The following RALGPS1 variants were observed in gnomAD, a reference collection of about 807,000 sequenced individuals.
RALGPS1 encodes ras-specific guanine nucleotide-releasing factor RalGPS1.
Under a neutral mutation model 78.8 loss-of-function variants are expected in RALGPS1, and 19 were observed. That is an observed-to-expected ratio of 0.24 (90% confidence interval 0.17 to 0.35). RALGPS1 has a LOEUF of 0.35. Among genes scored for constraint, RALGPS1 ranks in the 10% least tolerant of loss-of-function variants. The probability of loss-of-function intolerance (pLI) is 1.00; values close to 1 mark genes in which losing one functional copy is unlikely to be tolerated. For missense variants in RALGPS1, 454 were observed against 688.3 expected, an observed-to-expected ratio of 0.66 and a Z score of 3.81; for synonymous variants, 228 against 256.3, an observed-to-expected ratio of 0.89 and a Z score of 1.06.
chr9:126,955,852 C>G (rs886675693), intron 1 of RALGPS1, among the ~76,000 whole-genome samples: 1 of 152,126 alleles, frequency 6.6e-6, no homozygotes, highest in Non-Finnish European at 1.5e-5. Flanking sequence ...GGTCAGATTT[C>G]CCGTGGATTG....
chr9:127,113,563 A>G (rs2055084798), intron 8 of RALGPS1, among the ~76,000 whole-genome samples: 2 of 151,130 alleles, frequency 1.3e-5, no homozygotes, highest in Non-Finnish European at 3.0e-5. Flanking sequence ...ACTCCAATCA[A>G]AGTGATGCTC....
intron 1 of RALGPS1, among the ~76,000 whole-genome samples, chr9:126,958,137 A>G (rs1311918335): frequency 1.0e-5 from 1 of 99,070 alleles, no homozygotes; most frequent in Non-Finnish European, 2.4e-5. Flanking sequence ...AAAAAAAAAA[A>G]AAAAAATATA....
At chr9:127,047,405 G>GA (rs966126338) in intron 5 of RALGPS1, among the ~76,000 whole-genome samples, 1 of 151,790 alleles carries the variant, frequency 6.6e-6, no homozygotes, top group African/African-American at 2.4e-5. Flanking sequence ...TCTATATAGA[G>GA]AAAAAAAAGA....
intron 8 of RALGPS1, among the ~76,000 whole-genome samples, chr9:127,154,986 CT>C (rs2058631940): frequency 6.6e-6 from 1 of 152,210 alleles, no homozygotes; most frequent in Non-Finnish European, 1.5e-5. Context: ...AAGGCTTTCA[CT>C]GGGGGAATCA....
Position 127,195,200 on chromosome 9 carries a change from C to T in RALGPS1, c.1020C>T (p.Ser340=), listed in dbSNP as rs2061289151. 1.9e-6 allele frequency: 3 copies of T among 1,611,140 alleles called. No homozygotes were observed. The East Asian group carries it at 6.7e-5, about 36-fold the overall frequency. Residue 340 remains serine (S), a synonymous_variant, in exon 12 of 19, where the codon AGC becomes AGT. Coordinates refer to ENST00000259351, the MANE Select transcript of RALGPS1 (RefSeq NM_014636.3). ...CTCCAGTCCCCAGACACAGGAAGAG[C>T]CACAGCCTAGGCAACAAGTGGGTGA... ...PTPPVPRHRK[S]HSLGNNMMCQ...
chr9:127,198,418 G>A (rs2061452325), intron 13 of RALGPS1, among the ~76,000 whole-genome samples: 1 of 152,208 alleles, frequency 6.6e-6, no homozygotes, highest in Non-Finnish European at 1.5e-5. Flanking sequence ...TCCTCCAAGA[G>A]GGCTTAGAGA....
At chr9:127,092,242 G>A (rs374386951) in intron 8 of RALGPS1, among the ~76,000 whole-genome samples, 30 of 152,358 alleles carry the variant, frequency 2.0e-4, no homozygotes, top group East Asian at 1.5e-3. Flanking sequence ...GCTGTGGCAG[G>A]TGGAGGGCCT....
At chr9:126,959,010 T>TTTG (rs2038627442) in intron 1 of RALGPS1, among the ~76,000 whole-genome samples, 1 of 152,104 alleles carries the variant, frequency 6.6e-6, no homozygotes, top group African/African-American at 2.4e-5. Flanking sequence ...TATGGTTTCA[T>TTTG]TTGTGTTTCC....
At chr9:127,073,975 G>A (rs941585697) in intron 8 of RALGPS1, among the ~76,000 whole-genome samples, 2 of 152,056 alleles carry the variant, frequency 1.3e-5, no homozygotes, top group African/African-American at 2.4e-5. Flanking sequence ...TCTGCCTCCC[G>A]GGTTCAAGCA....
At chr9:127,137,596 G>A (rs1038087231) in intron 8 of RALGPS1, among the ~76,000 whole-genome samples, 8 of 152,232 alleles carry the variant, frequency 5.3e-5, no homozygotes, top group Non-Finnish European at 8.8e-5. Context: ...GATTCTTGCC[G>A]TCCTTTTCCC....
chr9:126,965,215 G>T (rs532689502), intron 2 of RALGPS1, among the ~76,000 whole-genome samples: 29 of 152,334 alleles, frequency 1.9e-4, no homozygotes, highest in African/African-American at 6.5e-4. Flanking sequence ...AGCCTCTAAA[G>T]CCAGTTGGTT....
At position 127,214,898 on chromosome 9, in the gene RALGPS1, C is replaced by G. The variant is rs1453960774; in HGVS notation, c.1644+56C>G. On this transcript the variant is annotated intron_variant, in intron 18 of 18. Coordinates refer to ENST00000259351, the MANE Select transcript of RALGPS1 (RefSeq NM_014636.3). ...GAAATATCCTCTCCCACCCTTGGAA[C>G]TAAGGGTCTTTAGAAAACAGGGTTC... 2.5e-6 allele frequency: 4 copies of G among 1,604,904 alleles called. No homozygotes were observed. The African/African-American group carries it at 5.4e-5, about 22-fold the overall frequency.
At chr9:127,204,995 G>A (rs1022585098) in intron 14 of RALGPS1, among the ~76,000 whole-genome samples, 2 of 152,226 alleles carry the variant, frequency 1.3e-5, no homozygotes, top group Non-Finnish European at 2.9e-5. Flanking sequence ...CCCCTTGGCT[G>A]CAGCAGACAT....
chr9:127,033,698 C>T (rs967409205), intron 4 of RALGPS1, among the ~76,000 whole-genome samples: 1 of 152,178 alleles, frequency 6.6e-6, no homozygotes, highest in African/African-American at 2.4e-5. Flanking sequence ...CTCCTTGGTC[C>T]TTTTTTGTAG....
intron 4 of RALGPS1, 27 bp from the exon 5 acceptor site, chr9:127,034,404 T>G: frequency 6.3e-7 from 1 of 1,599,842 alleles, no homozygotes; most frequent in South Asian, 1.1e-5. Flanking sequence ...CTAGAATCAC[T>G]GTTGAAATTC....
intron 10 of RALGPS1, among the ~76,000 whole-genome samples, chr9:127,174,183 C>T (rs1384746334): frequency 6.7e-6 from 1 of 149,256 alleles, no homozygotes; most frequent in Non-Finnish European, 1.5e-5. Flanking sequence ...AGAATCACTG[C>T]ATTCCAGCCT....
intron 8 of RALGPS1, among the ~76,000 whole-genome samples, chr9:127,074,023 A>T (rs1417560084): frequency 6.6e-6 from 1 of 152,124 alleles, no homozygotes; most frequent in Non-Finnish European, 1.5e-5. Flanking sequence ...CTGGGATTAC[A>T]GGTGCCTGCC....
intron 3 of RALGPS1, among the ~76,000 whole-genome samples, chr9:126,975,078 T>C (rs2040476618): frequency 6.6e-6 from 1 of 152,122 alleles, no homozygotes; most frequent in Non-Finnish European, 1.5e-5. Context: ...TGGCATGAAA[T>C]CGATAATCTG....
At chr9:127,056,299 G>C (rs1051736996) in intron 7 of RALGPS1, among the ~76,000 whole-genome samples, 1 of 152,210 alleles carries the variant, frequency 6.6e-6, no homozygotes, top group African/African-American at 2.4e-5. Context: ...CCACTTACCA[G>C]AGCAAAAGGT....
Sources: allele counts gnomAD v4.1 joint callset (sites outside exome capture counted in the v4.1 genomes callset), GRCh38; gene constraint gnomAD v4.1.1; transcripts MANE v1.5; gene names NCBI Gene and HGNC (gene_info 2026-07-23, HGNC 2026-07-21).